NUDCD1: variants seen among roughly 807,000 people sequenced by gnomAD.
The protein encoded by NUDCD1 is NudC domain containing 1.
Under a neutral mutation model 67.8 loss-of-function variants are expected in NUDCD1, and 60 were observed. The ratio of observed to expected loss-of-function variants is 0.88; its 90% CI spans 0.72 to 1.10. The LOEUF is 1.10. Among genes scored for constraint, NUDCD1 ranks in the 50% least tolerant of loss-of-function variants. The probability of loss-of-function intolerance (pLI) is 0.00; values close to 1 mark genes in which losing one functional copy is unlikely to be tolerated. For synonymous variants in NUDCD1, 244 were observed against 230.8 expected (o/e 1.06, Z -0.52); for missense variants, 643 against 695.0 (o/e 0.93, Z 0.84).
In NUDCD1 at chr8:109,245,383, C is replaced by A; in HGVS notation, c.1398G>T (p.Trp466Cys). 6.2e-7 allele frequency: 1 copy of A among 1,613,740 alleles called. No homozygotes were observed. Among genetic ancestry groups the A allele is most frequent in the Non-Finnish European group, 8.5e-7 (1 of 1,179,870 alleles). ...CATCTTGTTTGCTGGAGTGTGGTTG[C>A]CAGAGTAGGGCATCAACATCATGGC... is the stretch of plus-strand genomic sequence containing the variant. ...CLRHDVDALL[W>C]QPHSSKQDDM... Residue 466 changes from tryptophan to cysteine, a missense_variant, in exon 9 of 10, where the codon TGG becomes TGT. By Grantham distance (215) the Trp-to-Cys change is radical. Transcript: ENST00000239690.
At chr8:109,270,077 G>GGGGT (rs1814105095) in intron 8 of NUDCD1, among the ~76,000 whole-genome samples, 5 of 62,878 alleles carry the variant, frequency 8.0e-5, no homozygotes, top group South Asian at 7.2e-4. Flanking sequence ...CGGGGGGGGG[G>GGGGT]GGGGGTGCCT....
At position 109,329,773 on chromosome 8, in the gene NUDCD1, T is replaced by G. The variant is rs763877909; in HGVS notation, c.118+4120A>C. On this transcript the variant is annotated intron_variant, in intron 1 of 9. Coordinates refer to ENST00000239690, the MANE Select transcript of NUDCD1 (RefSeq NM_032869.4). The stretch of plus-strand genomic sequence containing the variant: ...TCAATTATGTCTTCATAAAGCTGTT[T>G]AATTTGTGAGACAAATTTATGTCCT... 6.5e-6 allele frequency: 10 copies of G among 1,537,344 alleles called. No individual in the cohort carries two copies. The South Asian group carries it at 9.8e-5, about 15-fold the overall frequency.
At chr8:109,311,808 C>T (rs1802469541) in intron 2 of NUDCD1, among the ~76,000 whole-genome samples, 1 of 151,692 alleles carries the variant, frequency 6.6e-6, no homozygotes, top group African/African-American at 2.4e-5. Context: ...AATTCAACTA[C>T]AAATAGGACT....
chr8:109,296,179 C>A (rs139605559), intron 3 of NUDCD1, among the ~76,000 whole-genome samples: 27 of 152,186 alleles, frequency 1.8e-4, no homozygotes, highest in African/African-American at 3.4e-4. Context: ...TGCACTGACT[C>A]CAGATCAAAA....
intron 5 of NUDCD1, among the ~76,000 whole-genome samples, chr8:109,289,139 AT>A (rs202143536): frequency 8.6e-5 from 13 of 150,484 alleles, no homozygotes; most frequent in African/African-American, 3.2e-4. Context: ...CCACATCCGG[AT>A]TTTTTTTTGT....
intron 2 of NUDCD1, among the ~76,000 whole-genome samples, chr8:109,302,711 T>C (rs1054070112): frequency 2.0e-5 from 3 of 152,138 alleles, no homozygotes; most frequent in African/African-American, 7.2e-5. Context: ...CCAAATCAGT[T>C]AGCATTTAGG....
intron 8 of NUDCD1, among the ~76,000 whole-genome samples, chr8:109,250,449 G>C (rs886740118): frequency 5.3e-5 from 8 of 152,170 alleles, no homozygotes; most frequent in African/African-American, 1.9e-4. Context: ...GGTGGTATTA[G>C]AATCTCTTGA....
intron 2 of NUDCD1, among the ~76,000 whole-genome samples, chr8:109,319,191 T>C (rs1484647187): frequency 6.6e-6 from 1 of 152,070 alleles, no homozygotes; most frequent in Non-Finnish European, 1.5e-5. Context: ...GCCAGGATGG[T>C]CTCGATCTCC....
rs534157983 is a variant in NUDCD1 at position 109,283,666 on chromosome 8, C to A, written c.824-2494G>T. On this transcript the variant is annotated intron_variant, in intron 5 of 9. Transcript: ENST00000239690. ...GAAATTCCACCCAAGAATTTCATAT[C>A]CCACTAAACTATAAGCTTCATAAGT... Among the ~76,000 whole-genome samples the A allele has an allele frequency of 3.4e-5, 3 of 87,082 alleles. No individual in the cohort carries two copies. In the South Asian group the frequency reaches 1.2e-3, roughly 34 times the overall value. The allele number at this position is 87,082 out of a possible 152,430, so 57.1% of individuals were successfully genotyped here. A position where few individuals can be genotyped will look rare whatever the true frequency, so the allele number is the denominator to read the frequency against.
intron 2 of NUDCD1, among the ~76,000 whole-genome samples, chr8:109,306,101 C>A (rs1408899973): frequency 1.3e-5 from 2 of 152,208 alleles, no homozygotes; most frequent in Non-Finnish European, 2.9e-5. Context: ...CTTACTCCTA[C>A]TCACCACTCT....
chr8:109,249,666 G>C (rs1813577863), intron 8 of NUDCD1, among the ~76,000 whole-genome samples: 1 of 152,064 alleles, frequency 6.6e-6, no homozygotes, highest in African/African-American at 2.4e-5. Context: ...CCTGAAAAGG[G>C]ACAAAGTCAT....
chr8:109,253,842 G>A (rs1813672680), intron 8 of NUDCD1, among the ~76,000 whole-genome samples: 1 of 151,938 alleles, frequency 6.6e-6, no homozygotes, highest in African/African-American at 2.4e-5. Flanking sequence ...ATATCAATAT[G>A]AGAAAAAGAA....
At chr8:109,281,730 A>G (rs1353987680) in intron 5 of NUDCD1, among the ~76,000 whole-genome samples, 1 of 152,170 alleles carries the variant, frequency 6.6e-6, no homozygotes, top group African/African-American at 2.4e-5. Context: ...TCCATTTCTA[A>G]GCAGACCTCC....
chr8:109,287,453 C>T (rs1284559576), intron 5 of NUDCD1, among the ~76,000 whole-genome samples: 2 of 152,140 alleles, frequency 1.3e-5, no homozygotes, highest in Non-Finnish European at 2.9e-5. Context: ...GAATACTACA[C>T]AGCCAGGTAA....
At chr8:109,310,458 C>A (rs1216750086) in intron 2 of NUDCD1, among the ~76,000 whole-genome samples, 1 of 152,196 alleles carries the variant, frequency 6.6e-6, no homozygotes, top group South Asian at 2.1e-4. Context: ...TCACCTTATA[C>A]AAAATTCAAC....
At chr8:109,257,074 T>C (rs1438888572) in intron 8 of NUDCD1, among the ~76,000 whole-genome samples, 1 of 152,170 alleles carries the variant, frequency 6.6e-6, no homozygotes, top group Non-Finnish European at 1.5e-5. Context: ...TCAATCTTTC[T>C]TCCTAAGATT....
chr8:109,242,909 T>C lies in NUDCD1; in HGVS notation c.*100A>G, dbSNP rs1003045358. 1.2e-5 allele frequency: 8 copies of C among 642,258 alleles called. No homozygotes were observed. Among genetic ancestry groups the C allele is most frequent in the South Asian group, 2.5e-5 (1 of 40,744 alleles). 39.8% of individuals were successfully genotyped at this position (642,258 alleles called of 1,614,324 possible). On this transcript the variant is annotated 3_prime_UTR_variant, in exon 10 of 10. Transcript: ENST00000239690. Reference sequence around the variant, plus strand: ...AAAATAAAAAATCATACAAGATATATTTAGCACATTAAAACTTAAGAGGTT... The same window carrying C: ...AAAATAAAAAATCATACAAGATATACTTAGCACATTAAAACTTAAGAGGTT...
intron 1 of NUDCD1, 149 bp from the exon 2 acceptor site, chr8:109,322,612 T>C (rs1478816832): frequency 1.8e-6 from 1 of 562,346 alleles, no homozygotes; most frequent in Non-Finnish European, 3.2e-6. Context: ...CTTTCAAAGA[T>C]AATTTCTGGG....
intron 1 of NUDCD1, among the ~76,000 whole-genome samples, chr8:109,326,015 T>C (rs1815673839): frequency 6.6e-6 from 1 of 152,196 alleles, no homozygotes; most frequent in African/African-American, 2.4e-5. Context: ...GTATTCTTGG[T>C]TTTCTAGCAC....
Sources: allele counts gnomAD v4.1 joint callset (sites outside exome capture counted in the v4.1 genomes callset), GRCh38; gene constraint gnomAD v4.1.1; transcripts MANE v1.5; gene names NCBI Gene and HGNC (gene_info 2026-07-23, HGNC 2026-07-21).